TFPI: variants seen among roughly 807,000 people sequenced by gnomAD.
TFPI encodes tissue factor pathway inhibitor.
A neutral mutation model predicts 34.6 loss-of-function variants in TFPI; 15 were observed. The observed-to-expected ratio is 0.43, with a 90% CI of 0.29 to 0.67. The LOEUF (loss-of-function observed/expected upper bound fraction) is 0.67. Among genes scored for constraint, TFPI ranks in the 30% least tolerant of loss-of-function variants. The pLI is 0.15. For synonymous variants in TFPI, 105 were observed against 120.1 expected (o/e 0.87, Z 0.82); for missense variants, 301 against 364.0 (o/e 0.83, Z 1.41).
intron 1 of TFPI, chr2:187,547,354 C>T (rs1457943126): frequency 6.6e-6 from 1 of 152,030 alleles, no homozygotes; most frequent in Non-Finnish European, 1.5e-5. Flanking sequence ...TCTGTAAGTA[C>T]AATAAACATG....
intron 1 of TFPI, among the ~76,000 whole-genome samples, chr2:187,508,548 G>A (rs1262830025): frequency 6.6e-6 from 1 of 152,032 alleles, no homozygotes. Flanking sequence ...TTTATTCCTA[G>A]GTATTTTATT....
intron 1 of TFPI, among the ~76,000 whole-genome samples, chr2:187,525,373 G>A (rs1197604417): frequency 2.0e-5 from 3 of 152,034 alleles, no homozygotes; most frequent in South Asian, 4.1e-4. Flanking sequence ...TCTGCCTCCA[G>A]TTGTCTTCAT....
chr2:187,489,679 A>G (rs1218368310), intron 3 of TFPI, among the ~76,000 whole-genome samples: 2 of 151,540 alleles, frequency 1.3e-5, no homozygotes, highest in African/African-American at 4.8e-5. Context: ...GATTAATACA[A>G]TTTTTAAAAG....
At chr2:187,519,563 C>T (rs1027757187) in intron 1 of TFPI, 2 of 152,386 alleles carry the variant, frequency 1.3e-5, no homozygotes, top group Non-Finnish European at 2.9e-5. Context: ...TGGAATTGTC[C>T]TGTATGAGGT....
chr2:187,508,911 C>T (rs1434916234), intron 1 of TFPI, among the ~76,000 whole-genome samples: 1 of 152,002 alleles, frequency 6.6e-6, no homozygotes, highest in African/African-American at 2.4e-5. Context: ...TTGCCCATTC[C>T]ATATGATATT....
intron 6 of TFPI, among the ~76,000 whole-genome samples, chr2:187,472,828 T>G (rs141059474): frequency 1.8e-4 from 27 of 152,050 alleles, no homozygotes; most frequent in Admixed American, 5.9e-4. Flanking sequence ...CCTGACCAAC[T>G]AGGTGAAACC....
intron 1 of TFPI, among the ~76,000 whole-genome samples, chr2:187,552,961 T>C (rs1403231304): frequency 6.6e-6 from 1 of 152,108 alleles, no homozygotes; most frequent in Non-Finnish European, 1.5e-5. Flanking sequence ...CCTAATTATA[T>C]TTCATATAAT....
rs967084067 is a variant in TFPI, at chr2:187,475,471, A to T, written c.629-7539T>A. Among the ~76,000 whole-genome samples, 90 of 152,252 alleles carry T rather than the reference A, an allele frequency of 5.9e-4. 1 individual carries two copies. The highest frequency in any genetic ancestry group is 2.1e-3 in the African/African-American group (88 of 41,564). On this transcript the variant is annotated intron_variant, in intron 6 of 7. Coordinates refer to ENST00000233156, the MANE Select transcript of TFPI (RefSeq NM_006287.6). ...AATAGTACTCATTTTTTGACTATAA[A>T]CCTCGGATGAAAATAGGTCGTCATC...
chr2:187,539,242 A>G lies in TFPI; in HGVS notation c.-3+14958T>C, dbSNP rs1688441254. 3.9e-5 allele frequency among the ~76,000 whole-genome samples: 6 copies of G among 152,198 alleles called. No individual in the cohort carries two copies. The South Asian group carries it at 1.2e-3, about 31-fold the overall frequency. ...TTACAGAGTGTGAGAATGCAAAGTA[A>G]GGACCAGTGATAATAAAGTTCTAGG... is the stretch of plus-strand genomic sequence containing the variant. On this transcript the variant is annotated intron_variant, in intron 1 of 7. Transcript: ENST00000233156.
In TFPI at chr2:187,467,802, A is replaced by C; in HGVS notation, c.759T>G (p.Asn253Lys). ...CTTGTTTGGAAGTAAAATTGTTTTCATTTCCCCCACATCCACTGTACTTAA... is the reference window on the plus strand; with the variant it reads ...CTTGTTTGGAAGTAAAATTGTTTTCCTTTCCCCCACATCCACTGTACTTAA... The part of the protein sequence containing the change: ...RPFKYSGCGG[N>K]ENNFTSKQEC... Residue 253 changes from asparagine to lysine, a missense_variant, in exon 7 of 8, where the codon AAT becomes AAG. Asn to Lys is a moderately conservative substitution (Grantham distance 94). Transcript: ENST00000233156. 6.2e-7 allele frequency: 1 copy of C among 1,611,252 alleles called. No homozygotes were observed. Among genetic ancestry groups the C allele is most frequent in the Non-Finnish European group, 8.5e-7 (1 of 1,178,888 alleles).
chr2:187,512,859 G>T (rs1686742267), intron 1 of TFPI, among the ~76,000 whole-genome samples: 1 of 152,034 alleles, frequency 6.6e-6, no homozygotes, highest in African/African-American at 2.4e-5. Context: ...TTTAAAGAAA[G>T]AAATGTTTGT....
chr2:187,526,579 A>G (rs189727137), intron 1 of TFPI, among the ~76,000 whole-genome samples: 2 of 152,306 alleles, frequency 1.3e-5, no homozygotes, highest in Admixed American at 6.5e-5. Context: ...GCAGGCAGTT[A>G]TTGATCTGTT....
chr2:187,542,164 G>A lies in TFPI; in HGVS notation c.-3+12036C>T, dbSNP rs1212270491. On this transcript the variant is annotated intron_variant, in intron 1 of 7. Transcript: ENST00000233156. ...GTTATAGTTGTATATGGTTAAAAAG[G>A]GAGAGTCAAAAGCTGTAAGAAAAGT... 2.0e-5 allele frequency among the ~76,000 whole-genome samples: 3 copies of A among 152,086 alleles called. No homozygotes were observed. In the South Asian group the frequency reaches 6.2e-4, roughly 32 times the overall value.
Position 187,490,412 on chromosome 2 carries a change from G to T in TFPI, c.320-2037C>A, listed in dbSNP as rs552803682. 2.8e-3 allele frequency among the ~76,000 whole-genome samples: 428 copies of T among 151,616 alleles called. 5 individuals are homozygous for T. The highest frequency in any genetic ancestry group is 9.5e-3 in the African/African-American group (395 of 41,466). ...TTTTCTTTAAAAATTTTGGAGTTTT[G>T]TAATTAGGACCATGCACATAGGAAT... On this transcript the variant is annotated intron_variant, in intron 3 of 7. Coordinates refer to ENST00000233156, the MANE Select transcript of TFPI (RefSeq NM_006287.6).
chr2:187,471,658 C>CT lies in TFPI; in HGVS notation c.629-3727dup, dbSNP rs978097223. On this transcript the variant is annotated intron_variant, in intron 6 of 7. Coordinates refer to ENST00000233156, the MANE Select transcript of TFPI (RefSeq NM_006287.6). ...GATAGGTTTCAGAATTCAGGGTACA[C>CT]TTTTTTTTTTAAATCAGGAACTATC... Among the ~76,000 whole-genome samples the CT allele has an allele frequency of 3.8e-4, 55 of 146,120 alleles. 1 individual carries two copies. The East Asian group carries it at 4.6e-3, about 12-fold the overall frequency.
chr2:187,517,245 A>C (rs1258550647), intron 1 of TFPI: 1 of 152,128 alleles, frequency 6.6e-6, no homozygotes. Flanking sequence ...TTAGGGTGTC[A>C]ATTTTAGATC....
chr2:187,484,391 G>C, intron 5 of TFPI, 175 bp from the exon 6 acceptor site: 1 of 583,250 alleles, frequency 1.7e-6, no homozygotes, highest in Non-Finnish European at 3.0e-6. Context: ...ATTTCCATGA[G>C]TAACTGTAGT....
At chr2:187,478,555 T>G (rs924169649) in intron 6 of TFPI, 7 of 1,304,808 alleles carry the variant, frequency 5.4e-6, no homozygotes, top group Middle Eastern at 2.8e-4. Flanking sequence ...CATTTACAAG[T>G]GAGGTGCAGT....
intron 1 of TFPI, among the ~76,000 whole-genome samples, chr2:187,549,067 C>G (rs1689001950): frequency 6.6e-6 from 1 of 152,064 alleles, no homozygotes; most frequent in Non-Finnish European, 1.5e-5. Flanking sequence ...TCTTCATTGA[C>G]TAAATAGCTT....
Sources: gnomAD v4.1 joint callset for allele counts (sites outside exome capture counted in the v4.1 genomes callset) on GRCh38, gnomAD v4.1.1 for gene constraint, MANE v1.5 for transcripts, NCBI Gene and HGNC (gene_info 2026-07-23, HGNC 2026-07-21) for gene names.